Variants in RNF149 observed in about 807,000 individuals in gnomAD.
The protein encoded by RNF149 is E3 ubiquitin-protein ligase RNF149.
A neutral mutation model predicts 39.0 loss-of-function variants in RNF149; 21 were observed. That is an observed-to-expected ratio of 0.54 (90% CI 0.38 to 0.77). The LOEUF (loss-of-function observed/expected upper bound fraction) is 0.77. RNF149 is among the 30% of genes least tolerant of loss of function. The pLI is 0.00. For missense variants in RNF149, 493 were observed against 534.9 expected (o/e 0.92, Z 0.77); for synonymous variants, 209 against 213.6 (o/e 0.98, Z 0.19).
At chr2:101,288,678 G>C (rs1682888096) in intron 4 of RNF149, 1 of 267,262 alleles carries the variant, frequency 3.7e-6, no homozygotes, top group African/African-American at 2.3e-5. Context: ...TTTTTGCACT[G>C]CTAAATGTAT....
intron 1 of RNF149, among the ~76,000 whole-genome samples, chr2:101,299,187 T>C (rs1013099050): frequency 4.6e-5 from 7 of 152,282 alleles, no homozygotes; most frequent in East Asian, 3.9e-4. Flanking sequence ...TGAAAGGGTA[T>C]ATAAAGAACG....
At chr2:101,302,676 T>C (rs1236959170) in intron 1 of RNF149, among the ~76,000 whole-genome samples, 1 of 152,132 alleles carries the variant, frequency 6.6e-6, no homozygotes, top group African/African-American at 2.4e-5. Flanking sequence ...CGACTTTAAC[T>C]TGTCCTTCAA....
chr2:101,283,108 T>C (rs1381752155), intron 5 of RNF149, among the ~76,000 whole-genome samples: 1 of 152,162 alleles, frequency 6.6e-6, no homozygotes, highest in East Asian at 1.9e-4. Context: ...GTCTGATGGA[T>C]AATGCAACAC....
chr2:101,301,238 G>GC (rs1553441734), intron 1 of RNF149, among the ~76,000 whole-genome samples: 1 of 148,920 alleles, frequency 6.7e-6, no homozygotes, highest in African/African-American at 2.5e-5. Context: ...GGCAATTTCT[G>GC]TTTTTTTTTT....
chr2:101,295,011 T>C lies in RNF149; in HGVS notation c.631A>G (p.Met211Val), dbSNP rs372437537. The C allele has an allele frequency of 1.7e-5, 27 of 1,613,818 alleles. No individual in the cohort carries two copies. The highest frequency in any genetic ancestry group is 2.2e-5 in the Non-Finnish European group (26 of 1,179,816). The change falls in exon 2 of 7, where the codon ATG (methionine) becomes GTG (valine). Residue 211 changes from methionine (M) to valine (V), a missense_variant. Physicochemically the swap from Met to Val is conservative, Grantham distance 21. Coordinates refer to ENST00000295317, the MANE Select transcript of RNF149 (RefSeq NM_173647.4). ...VVFVAIAFIT[M>V]MIISLAWLIF... is the part of the protein sequence containing the mutation. ...AGCCAGGCTAACGAGATAATCATCA[T>C]GGTGATGAAGGCAATGGCCACAAAC... is the stretch of plus-strand genomic sequence containing the variant.
Position 101,308,498 on chromosome 2 carries a change from G to A in RNF149, c.91C>T (p.Arg31Trp), listed in dbSNP as rs981286580. The A allele has an allele frequency of 5.0e-6, 8 of 1,610,226 alleles. No homozygotes were observed. In the African/African-American group the frequency reaches 9.4e-5, roughly 19 times the overall value. ...GAGAACCACTCGAGAGCCCGGCCCCGGGCCCCGGGCACGCACAGGGCCAGG... is the reference window on the plus strand; with the variant it reads ...GAGAACCACTCGAGAGCCCGGCCCCAGGCCCCGGGCACGCACAGGGCCAGG... ...LALALCVPGA[R>W]GRALEWFSAV... is the part of the protein sequence containing the mutation. Residue 31 changes from arginine to tryptophan, a missense_variant, in exon 1 of 7, where the codon CGG becomes TGG. By Grantham distance (101) the Arg-to-Trp change is moderately radical. Transcript: ENST00000295317.
intron 1 of RNF149, among the ~76,000 whole-genome samples, chr2:101,301,691 T>C (rs184099235): frequency 4.5e-5 from 5 of 110,428 alleles, no homozygotes; most frequent in Admixed American, 2.4e-4. Flanking sequence ...TTCTGTTTTT[T>C]TGTTTGTTTT....
chr2:101,301,823 C>T lies in RNF149; in HGVS notation c.460+6306G>A, dbSNP rs73943445. Among the ~76,000 whole-genome samples, 974 of 152,286 alleles carry T rather than the reference C, an allele frequency of 6.4e-3. 8 individuals are homozygous for T. The highest frequency in any genetic ancestry group is 0.022 in the African/African-American group (919 of 41,548). On this transcript the variant is annotated intron_variant, in intron 1 of 6. Coordinates refer to ENST00000295317, the MANE Select transcript of RNF149 (RefSeq NM_173647.4). Reference sequence around the variant, plus strand: ...TTCTGGATGACATGAGTCTAGTGTACTATTTCTCCTCTCAAGACAACTATT... The same window carrying T: ...TTCTGGATGACATGAGTCTAGTGTATTATTTCTCCTCTCAAGACAACTATT...
chr2:101,277,668 C>A (rs1483129548), intron 6 of RNF149, among the ~76,000 whole-genome samples: 2 of 152,198 alleles, frequency 1.3e-5, no homozygotes, highest in East Asian at 3.9e-4. Context: ...GGATTACAGG[C>A]ATGAGCCACC....
intron 3 of RNF149, among the ~76,000 whole-genome samples, chr2:101,292,639 G>A (rs952915962): frequency 6.6e-6 from 1 of 152,126 alleles, no homozygotes; most frequent in Non-Finnish European, 1.5e-5. Context: ...GGTGGCAGGC[G>A]CCTGTAGTTC....
Position 101,296,657 on chromosome 2 carries a change from G to A in RNF149, c.461-1476C>T, listed in dbSNP as rs143233117. Among the ~76,000 whole-genome samples the A allele has an allele frequency of 3.9e-5, 6 of 152,072 alleles. 1 individual carries two copies. Among genetic ancestry groups the A allele is most frequent in the South Asian group, 4.1e-4 (2 of 4,820 alleles). ...TGGGGCAACTGGGTATCATCAGTGCGGCGGGTCGGGGGAAGCTGCATCCAT... is the reference window on the plus strand; with the variant it reads ...TGGGGCAACTGGGTATCATCAGTGCAGCGGGTCGGGGGAAGCTGCATCCAT... On this transcript the variant is annotated intron_variant, in intron 1 of 6. Coordinates refer to ENST00000295317, the MANE Select transcript of RNF149 (RefSeq NM_173647.4).
chr2:101,303,621 C>CT (rs1230671124), intron 1 of RNF149, among the ~76,000 whole-genome samples: 2 of 152,084 alleles, frequency 1.3e-5, no homozygotes, highest in Non-Finnish European at 1.5e-5. Context: ...TCTTATACCT[C>CT]TTATCAATAG....
intron 1 of RNF149, among the ~76,000 whole-genome samples, chr2:101,305,792 G>A (rs72986748): frequency 0.01 from 1,578 of 152,196 alleles, 33 homozygotes; most frequent in African/African-American, 0.035. Context: ...TTACTGTGTC[G>A]TCTCTGGCTA....
At chr2:101,294,595 TGA>T (rs1683147291) in intron 2 of RNF149, 1 of 239,916 alleles carries the variant, frequency 4.2e-6, no homozygotes, top group South Asian at 6.2e-5. Flanking sequence ...TTGCTGTCAC[TGA>T]GAGAGATAAA....
At chr2:101,305,036 T>G (rs1683603030) in intron 1 of RNF149, among the ~76,000 whole-genome samples, 3 of 152,040 alleles carry the variant, frequency 2.0e-5, no homozygotes, top group Admixed American at 6.6e-5. Flanking sequence ...AGACAGGGTT[T>G]CACCATGTTG....
At chr2:101,294,374 A>G (rs761941100) in intron 2 of RNF149, 4 of 286,456 alleles carry the variant, frequency 1.4e-5, no homozygotes, top group Non-Finnish European at 2.6e-5. Flanking sequence ...ATTTGTCTGA[A>G]GAAGCAACCA....
chr2:101,287,109 G>A (rs915507680), intron 4 of RNF149, among the ~76,000 whole-genome samples: 3 of 152,172 alleles, frequency 2.0e-5, no homozygotes, highest in Non-Finnish European at 4.4e-5. Context: ...ATCACCTGAG[G>A]TCAGGAGTTC....
At position 101,276,020 on chromosome 2, in the gene RNF149, G is replaced by C. The variant is rs915922994; in HGVS notation, c.*1218C>G. The stretch of plus-strand genomic sequence containing the variant: ...CTAGAATTAAAGCATTAAGTAGCTT[G>C]AGAAAATAATCTATATAAATCTTTA... On this transcript the variant is annotated 3_prime_UTR_variant, in exon 7 of 7. Coordinates refer to ENST00000295317, the MANE Select transcript of RNF149 (RefSeq NM_173647.4). The C allele has an allele frequency of 1.0e-5, 9 of 893,452 alleles. No individual in the cohort carries two copies. The Admixed American group carries it at 1.9e-4, about 18-fold the overall frequency. 55.3% of individuals were successfully genotyped at this position (893,452 alleles called of 1,614,324 possible).
chr2:101,272,530 G>A (rs1054497416), downstream of RNF149, among the ~76,000 whole-genome samples: 2 of 152,128 alleles, frequency 1.3e-5, no homozygotes, highest in African/African-American at 4.8e-5. Flanking sequence ...GGCGTTTCTA[G>A]TTGACTATTA....
Sources: gnomAD v4.1 joint callset for allele counts (sites outside exome capture counted in the v4.1 genomes callset) on GRCh38, gnomAD v4.1.1 for gene constraint, MANE v1.5 for transcripts, NCBI Gene and HGNC (gene_info 2026-07-23, HGNC 2026-07-21) for gene names.